The following CSGALNACT1 variants were observed in gnomAD, a reference collection of about 807,000 sequenced individuals.
The protein encoded by CSGALNACT1 is chondroitin sulfate N-acetylgalactosaminyltransferase 1, also known as beta4GalNAcT-1.
A neutral mutation model predicts 51.0 loss-of-function variants in CSGALNACT1; 52 were observed. The observed-to-expected ratio is 1.02, with a 90% confidence interval of 0.82 to 1.29. The LOEUF (loss-of-function observed/expected upper bound fraction) is 1.29. Among genes scored for constraint, CSGALNACT1 ranks in the 50% most tolerant of loss-of-function variants. The pLI is 0.00. For synonymous variants in CSGALNACT1, 341 were observed against 254.4 expected (o/e 1.34, Z -3.24); for missense variants, 935 against 679.2 (o/e 1.38, Z -4.19).
chr8:19,668,104 T>G (rs1428329507), intron 1 of CSGALNACT1, among the ~76,000 whole-genome samples: 1 of 152,028 alleles, frequency 6.6e-6, no homozygotes, highest in Non-Finnish European at 1.5e-5. Flanking sequence ...CTCCCAAATA[T>G]GAAACATGGT....
Position 19,757,286 on chromosome 8 carries a change from C to T in CSGALNACT1, c.-297+564G>A, listed in dbSNP as rs2065462984. ...GCCGCGGACTCGGCTCCACCTCCCG[C>T]TCCGGCAGCCGCGGAGCCTCCAGGG... On this transcript the variant is annotated intron_variant, in intron 1 of 1. Coordinates refer to the CSGALNACT1 transcript ENST00000517494. This position sits in a 1 kb window ranked among gnomAD's most constrained non-coding sequence, Gnocchi z 4.0. 1 of 150,440 alleles carries T rather than the reference C, an allele frequency of 6.6e-6. No homozygotes were observed. The highest frequency in any genetic ancestry group is 1.8e-4 in the South Asian group (1 of 5,598). 9.3% of individuals were successfully genotyped at this position (150,440 alleles called of 1,614,324 possible).
At chr8:19,593,990 C>T (rs2048370726) in intron 2 of CSGALNACT1, among the ~76,000 whole-genome samples, 1 of 152,168 alleles carries the variant, frequency 6.6e-6, no homozygotes, top group Non-Finnish European at 1.5e-5. Context: ...AATATCAGAA[C>T]TCAGCTGGGG....
intron 5 of CSGALNACT1, among the ~76,000 whole-genome samples, chr8:19,445,348 T>C (rs932614154): frequency 6.6e-6 from 1 of 152,260 alleles, no homozygotes; most frequent in Admixed American, 6.5e-5. Context: ...GAGGGTCACC[T>C]GCTAAGTGTG....
chr8:19,652,271 C>A (rs2057881839), intron 1 of CSGALNACT1, among the ~76,000 whole-genome samples: 1 of 152,018 alleles, frequency 6.6e-6, no homozygotes, highest in South Asian at 2.1e-4. Context: ...TTTTTAATAG[C>A]CATTCTCACT....
intron 1 of CSGALNACT1, among the ~76,000 whole-genome samples, chr8:19,711,684 G>A (rs2062512869): frequency 6.6e-6 from 1 of 152,130 alleles, no homozygotes; most frequent in Non-Finnish European, 1.5e-5. Flanking sequence ...GCTGAAGAAG[G>A]GAATCTCAAT....
intron 1 of CSGALNACT1, among the ~76,000 whole-genome samples, chr8:19,688,307 G>A (rs116049431): frequency 0.014 from 2,112 of 152,242 alleles, 53 homozygotes; most frequent in African/African-American, 0.047. Context: ...GACGTCACCA[G>A]GGTTGCTGCA....
chr8:19,644,939 T>C (rs2057122208), intron 1 of CSGALNACT1, among the ~76,000 whole-genome samples: 1 of 152,166 alleles, frequency 6.6e-6, no homozygotes, highest in Non-Finnish European at 1.5e-5. Flanking sequence ...ATTAATAATA[T>C]TCCTGTGTAA....
chr8:19,647,628 T>G (rs2057396681), intron 1 of CSGALNACT1, among the ~76,000 whole-genome samples: 1 of 152,102 alleles, frequency 6.6e-6, no homozygotes, highest in Non-Finnish European at 1.5e-5. Context: ...CAGAGCGGTG[T>G]ATTAGGAACT....
At chr8:19,597,596 C>A (rs2049237773) in intron 2 of CSGALNACT1, among the ~76,000 whole-genome samples, 1 of 152,272 alleles carries the variant, frequency 6.6e-6, no homozygotes, top group South Asian at 2.1e-4. Context: ...TGAGCCACAG[C>A]ACTCAGCCTT....
At chr8:19,720,479 T>C (rs1589686768) in intron 1 of CSGALNACT1, among the ~76,000 whole-genome samples, 2 of 152,296 alleles carry the variant, frequency 1.3e-5, no homozygotes, top group Non-Finnish European at 2.9e-5. Context: ...CACTTCACAC[T>C]AAAATATCAC....
chr8:19,407,919 G>GCATGTGGACATTTGTGTATATGAATT (rs2054656055), intron 9 of CSGALNACT1, among the ~76,000 whole-genome samples: 1 of 74,552 alleles, frequency 1.3e-5, no homozygotes, highest in African/African-American at 3.6e-5. Flanking sequence ...GTGTGTGTGT[G>GCATGTGGACATTTGTGTATATGAATT]TGTGTGTGTG....
intron 1 of CSGALNACT1, among the ~76,000 whole-genome samples, chr8:19,667,452 G>A (rs1296943150): frequency 6.6e-6 from 1 of 151,886 alleles, no homozygotes; most frequent in Non-Finnish European, 1.5e-5. Flanking sequence ...CAAAAATCAA[G>A]ACATTATTTC....
intron 1 of CSGALNACT1, among the ~76,000 whole-genome samples, chr8:19,626,954 G>A (rs1481292071): frequency 1.3e-5 from 2 of 152,174 alleles, no homozygotes; most frequent in South Asian, 2.1e-4. Flanking sequence ...CATTGCTGGT[G>A]GGAATGTGAA....
chr8:19,499,553 C>T (rs1346039433), intron 4 of CSGALNACT1, among the ~76,000 whole-genome samples: 1 of 152,172 alleles, frequency 6.6e-6, no homozygotes, highest in African/African-American at 2.4e-5. Context: ...ATCACCACAA[C>T]ACAAGGCCTG....
At chr8:19,619,122 G>T (rs1434505438) in intron 1 of CSGALNACT1, among the ~76,000 whole-genome samples, 1 of 151,970 alleles carries the variant, frequency 6.6e-6, no homozygotes, top group East Asian at 1.9e-4. Context: ...GCACTACAGA[G>T]GAGCAAAGGG....
At chr8:19,486,657 C>T (rs1414782226) in intron 4 of CSGALNACT1, among the ~76,000 whole-genome samples, 2 of 152,192 alleles carry the variant, frequency 1.3e-5, no homozygotes, top group African/African-American at 4.8e-5. Context: ...ATATCACCTA[C>T]TCAATGAGAC....
chr8:19,582,160 A>G (rs2045719351), intron 3 of CSGALNACT1, among the ~76,000 whole-genome samples: 1 of 152,230 alleles, frequency 6.6e-6, no homozygotes, highest in Non-Finnish European at 1.5e-5. Flanking sequence ...GGCCGTGGCT[A>G]TAACTAGGCA....
intron 3 of CSGALNACT1, among the ~76,000 whole-genome samples, chr8:19,558,234 G>C (rs2154093062): frequency 6.6e-6 from 1 of 152,230 alleles, no homozygotes; most frequent in South Asian, 2.1e-4. Context: ...GCTACCTTTT[G>C]GCACACTTTT....
chr8:19,586,847 T>C (rs969775282), intron 3 of CSGALNACT1, among the ~76,000 whole-genome samples: 2 of 152,210 alleles, frequency 1.3e-5, no homozygotes, highest in Admixed American at 6.5e-5. Context: ...TAGGCTCAGG[T>C]ACATCGTACC....
Sources: gnomAD v4.1 joint callset for allele counts (sites outside exome capture counted in the v4.1 genomes callset) on GRCh38, gnomAD v4.1.1 for gene constraint, Gnocchi (gnomAD v3.1) non-coding constraint, MANE v1.5 for transcripts, NCBI Gene and HGNC (gene_info 2026-07-23, HGNC 2026-07-21) for gene names.